Variants in CLIC5 observed in about 807,000 individuals in gnomAD.
The protein encoded by CLIC5 is CLIC family member 5.
CLIC5 carries 20 observed loss-of-function variants against 24.7 expected under a neutral mutation model. That is an observed-to-expected ratio of 0.81 (90% CI 0.57 to 1.18). The LOEUF (loss-of-function observed/expected upper bound fraction) is 1.18. CLIC5 is among the 50% of genes most tolerant of loss of function. The pLI is 0.00. For synonymous variants in CLIC5, 159 were observed against 135.6 expected, an observed-to-expected ratio of 1.17 and a Z score of -1.20; for missense variants, 341 against 326.1, an observed-to-expected ratio of 1.05 and a Z score of -0.35.
At chr6:46,002,246 T>TG (rs1325489273) in intron 1 of CLIC5, among the ~76,000 whole-genome samples, 8 of 139,614 alleles carry the variant, frequency 5.7e-5, no homozygotes, top group Non-Finnish European at 8.0e-5. Context: ...TGTAATTTTT[T>TG]TTGTTGTTGT....
intron 3 of CLIC5, 106 bp from the exon 4 acceptor site, chr6:45,941,759 T>C: frequency 3.4e-6 from 3 of 884,076 alleles, no homozygotes; most frequent in Non-Finnish European, 5.6e-6. Flanking sequence ...CAGCTGCATC[T>C]ACAAAATGTT....
At chr6:45,998,964 T>G (rs901489261) in intron 1 of CLIC5, among the ~76,000 whole-genome samples, 1 of 152,180 alleles carries the variant, frequency 6.6e-6, no homozygotes, top group African/African-American at 2.4e-5. Flanking sequence ...TGTATAGCCT[T>G]TAAGGTCTAA....
At chr6:45,929,732 C>T (rs539321045) in intron 4 of CLIC5, among the ~76,000 whole-genome samples, 4 of 152,284 alleles carry the variant, frequency 2.6e-5, no homozygotes, top group Non-Finnish European at 4.4e-5. Flanking sequence ...GCCTCTGCAG[C>T]GGTCTTCCTG....
upstream of CLIC5, among the ~76,000 whole-genome samples, chr6:46,020,366 T>C (rs1767141864): frequency 6.6e-6 from 1 of 152,172 alleles, no homozygotes. Flanking sequence ...TTAAAAAATA[T>C]TTTGAACTGA....
intron 1 of CLIC5, among the ~76,000 whole-genome samples, chr6:45,958,445 T>TACACAC (rs1414421064): frequency 0.024 from 1,820 of 76,440 alleles, 202 homozygotes; most frequent in African/African-American, 0.078. Flanking sequence ...TATATATATA[T>TACACAC]ATATATATAT....
At chr6:46,061,770 T>C (rs1220022036) in intron 1 of CLIC5, among the ~76,000 whole-genome samples, 1 of 152,258 alleles carries the variant, frequency 6.6e-6, no homozygotes, top group Non-Finnish European at 1.5e-5. Flanking sequence ...CCAAGTTGTA[T>C]CACAGATGTT....
chr6:45,885,798 A>G (rs1347725737), intron 6 of CLIC5, among the ~76,000 whole-genome samples: 4 of 152,196 alleles, frequency 2.6e-5, no homozygotes, highest in African/African-American at 9.7e-5. Context: ...CTTTAGGAAC[A>G]TATATATTCA....
At chr6:45,996,187 T>C (rs1167607067) in intron 1 of CLIC5, among the ~76,000 whole-genome samples, 4 of 151,650 alleles carry the variant, frequency 2.6e-5, no homozygotes, top group Non-Finnish European at 5.9e-5. Flanking sequence ...ACCACGGAAC[T>C]CACTCTAGCT....
At chr6:46,041,225 TAG>T (rs1767799031) in intron 1 of CLIC5, among the ~76,000 whole-genome samples, 1 of 152,252 alleles carries the variant, frequency 6.6e-6, no homozygotes, top group African/African-American at 2.4e-5. Context: ...TGCAGGTGCA[TAG>T]AGTTTAATAA....
the CLIC5 span, among the ~76,000 whole-genome samples, chr6:46,115,788 G>T: frequency 6.6e-6 from 1 of 152,224 alleles, no homozygotes; most frequent in Non-Finnish European, 1.5e-5. Context: ...AACAAAACCA[G>T]TTACACCCAG....
intron 4 of CLIC5, among the ~76,000 whole-genome samples, chr6:45,936,281 T>C (rs1763932122): frequency 6.9e-6 from 1 of 145,894 alleles, no homozygotes. Flanking sequence ...CTCGGCTCAC[T>C]GCAACCTCCG....
At chr6:46,037,363 G>T (rs1422697396) in intron 1 of CLIC5, among the ~76,000 whole-genome samples, 1 of 152,126 alleles carries the variant, frequency 6.6e-6, no homozygotes, top group Non-Finnish European at 1.5e-5. Flanking sequence ...GAGAGAGGGG[G>T]CCAAAAGACT....
upstream of CLIC5, among the ~76,000 whole-genome samples, chr6:46,081,701 C>A (rs1426674495): frequency 6.6e-6 from 1 of 152,088 alleles, no homozygotes; most frequent in East Asian, 1.9e-4. Context: ...TGGTGAAAAC[C>A]TAAGAGATCA....
the CLIC5 span, among the ~76,000 whole-genome samples, chr6:46,124,400 A>G: frequency 6.6e-6 from 1 of 152,232 alleles, no homozygotes; most frequent in African/African-American, 2.4e-5. Flanking sequence ...CTGAAACTGG[A>G]TCCCTTCCTT....
intron 1 of CLIC5, among the ~76,000 whole-genome samples, chr6:46,071,822 A>T (rs1282530707): frequency 1.3e-5 from 2 of 152,230 alleles, no homozygotes; most frequent in African/African-American, 4.8e-5. Context: ...AATAGCAAAG[A>T]CATGGAATCA....
chr6:45,971,201 A>C (rs986143001), intron 1 of CLIC5, among the ~76,000 whole-genome samples: 1 of 152,166 alleles, frequency 6.6e-6, no homozygotes, highest in African/African-American at 2.4e-5. Context: ...GGATTCCTCA[A>C]ATCAGCCATC....
chr6:45,891,599 C>A (rs188180696), intron 6 of CLIC5, among the ~76,000 whole-genome samples: 1 of 148,374 alleles, frequency 6.7e-6, no homozygotes, highest in African/African-American at 2.5e-5. Context: ...CATGCCACTG[C>A]ACTCCAGCCT....
chr6:46,016,022 T>C (rs1766992553), upstream of CLIC5: 1 of 462,176 alleles, frequency 2.2e-6, no homozygotes, highest in Non-Finnish European at 2.8e-6. Flanking sequence ...GAGCTGGTCC[T>C]GGCAAAGCCA....
intron 1 of CLIC5, among the ~76,000 whole-genome samples, chr6:46,031,573 T>C (rs961535161): frequency 3.3e-5 from 5 of 152,146 alleles, no homozygotes; most frequent in Non-Finnish European, 7.4e-5. Context: ...TACAATATTT[T>C]TGGTGGGCCT....
Sources: gnomAD v4.1 joint callset for allele counts (sites outside exome capture counted in the v4.1 genomes callset) on GRCh38, gnomAD v4.1.1 for gene constraint, MANE v1.5 for transcripts, NCBI Gene and HGNC (gene_info 2026-07-23, HGNC 2026-07-21) for gene names.